CNTNAP5: variants seen among roughly 807,000 people sequenced by gnomAD.
CNTNAP5 encodes the protein contactin-associated protein-like 5.
A neutral mutation model predicts 150.2 loss-of-function variants in CNTNAP5; 72 were observed. The ratio of observed to expected loss-of-function variants is 0.48; its 90% CI spans 0.40 to 0.58. The LOEUF (loss-of-function observed/expected upper bound fraction) is 0.58, where lower values mean the gene tolerates loss of function less well. Among genes scored for constraint, CNTNAP5 ranks in the 20% least tolerant of loss-of-function variants. CNTNAP5 has a pLI of 0.00. For missense variants in CNTNAP5, 1,636 were observed against 1,626.2 expected (o/e 1.01, Z -0.10); for synonymous variants, 672 against 619.8 (o/e 1.08, Z -1.25).
chr2:124,707,470 C>T lies in CNTNAP5; in HGVS notation c.2078-39759C>T, dbSNP rs150239165. On this transcript the variant is annotated intron_variant, in intron 13 of 23. Coordinates refer to ENST00000682447, the MANE Select transcript of CNTNAP5 (RefSeq NM_001367498.1). ...GAACTACATCACATTATTTCATTATCTAAATAAATCCAGAGTGCAATAAAT... is the reference window on the plus strand; with the variant it reads ...GAACTACATCACATTATTTCATTATTTAAATAAATCCAGAGTGCAATAAAT... Among the ~76,000 whole-genome samples, 586 of 152,266 alleles carry T rather than the reference C, an allele frequency of 3.8e-3. 3 individuals are homozygous for T. The highest frequency in any genetic ancestry group is 7.1e-3 in the Non-Finnish European group (483 of 68,040).
chr2:124,541,098 G>A (rs1695370592), intron 10 of CNTNAP5, among the ~76,000 whole-genome samples: 1 of 150,324 alleles, frequency 6.7e-6, no homozygotes, highest in African/African-American at 2.4e-5. Flanking sequence ...TGATGACTGT[G>A]ATCTCCATGT....
chr2:124,325,867 T>C (rs1689203963), intron 3 of CNTNAP5, among the ~76,000 whole-genome samples: 1 of 152,178 alleles, frequency 6.6e-6, no homozygotes, highest in Admixed American at 6.5e-5. Flanking sequence ...ACTAGGGGGA[T>C]GAGCCATGCT....
At position 124,610,758 on chromosome 2, in the gene CNTNAP5, A is replaced by G. The variant is rs576123984; in HGVS notation, c.1876+838A>G. Among the ~76,000 whole-genome samples, 60 of 152,276 alleles carry G rather than the reference A, an allele frequency of 3.9e-4. No homozygotes were observed. The Middle Eastern group carries it at 0.014, about 35-fold the overall frequency. On this transcript the variant is annotated intron_variant, in intron 12 of 23. Transcript: ENST00000682447. The stretch of plus-strand genomic sequence containing the variant: ...GGCAGACCACGAGGTCAGGAGATCC[A>G]GACCATCCTGGCCAACACGGTGAAA...
rs187696654 is a variant in CNTNAP5, at chr2:124,074,127, G to A, written c.82+48395G>A. ...TGCATATTTTCACTTATCTGTGGGA[G>A]CTAAAAATTAAAACAATTGAACTTA... On this transcript the variant is annotated intron_variant, in intron 1 of 23. Transcript: ENST00000682447. 1.8e-3 allele frequency among the ~76,000 whole-genome samples: 270 copies of A among 152,112 alleles called. 1 individual carries two copies. The highest frequency in any genetic ancestry group is 5.4e-3 in the African/African-American group (223 of 41,524).
intron 12 of CNTNAP5, among the ~76,000 whole-genome samples, chr2:124,641,126 C>CAAAAAAAAAAAAAA (rs78602781): frequency 1.0e-5 from 1 of 98,504 alleles, no homozygotes; most frequent in African/African-American, 4.2e-5. Context: ...AACTCCATCT[C>CAAAAAAAAAAAAAA]AAAAAAAAAA....
At chr2:124,581,798 A>G (rs2104949591) in intron 11 of CNTNAP5, among the ~76,000 whole-genome samples, 1 of 152,276 alleles carries the variant, frequency 6.6e-6, no homozygotes, top group East Asian at 1.9e-4. Flanking sequence ...GAGGAAAGAA[A>G]TCCTATTGTA....
intron 13 of CNTNAP5, among the ~76,000 whole-genome samples, chr2:124,714,173 C>T (rs903784585): frequency 1.3e-5 from 2 of 151,972 alleles, no homozygotes; most frequent in African/African-American, 4.8e-5. Context: ...TCAAGAGTCG[C>T]TTGAGTGTAA....
chr2:124,305,293 G>T (rs1688660512), intron 3 of CNTNAP5, among the ~76,000 whole-genome samples: 1 of 151,770 alleles, frequency 6.6e-6, no homozygotes, highest in Non-Finnish European at 1.5e-5. Context: ...AACAAAAAAG[G>T]TGACACTGCA....
intron 3 of CNTNAP5, among the ~76,000 whole-genome samples, chr2:124,244,476 T>C (rs1462533064): frequency 6.6e-6 from 1 of 152,112 alleles, no homozygotes; most frequent in East Asian, 1.9e-4. Context: ...AGGTAGAAGT[T>C]GCTGGATGGG....
At chr2:124,816,395 C>T (rs1020704934) in intron 19 of CNTNAP5, among the ~76,000 whole-genome samples, 6 of 151,594 alleles carry the variant, frequency 4.0e-5, no homozygotes, top group Non-Finnish European at 7.4e-5. Context: ...TCTTTCTGGG[C>T]TGCCATCCAG....
intron 19 of CNTNAP5, among the ~76,000 whole-genome samples, chr2:124,826,008 A>G (rs17012034): frequency 0.051 from 7,818 of 152,256 alleles, 648 homozygotes; most frequent in African/African-American, 0.17. Context: ...AAATATTTCT[A>G]CTGGATATGC....
At chr2:124,201,603 A>G (rs1313269946) in intron 1 of CNTNAP5, among the ~76,000 whole-genome samples, 1 of 152,226 alleles carries the variant, frequency 6.6e-6, no homozygotes, top group Admixed American at 6.5e-5. Flanking sequence ...TGGTGTACAG[A>G]GTAATGTATA....
intron 1 of CNTNAP5, among the ~76,000 whole-genome samples, chr2:124,216,851 C>A (rs58929276): frequency 0.18 from 27,222 of 152,052 alleles, 2,612 homozygotes; most frequent in Non-Finnish European, 0.22. Flanking sequence ...AATAAACATA[C>A]GTGTGCATGT....
At chr2:124,869,810 A>G in intron 21 of CNTNAP5, 48 bp downstream of exon 21, 2 of 1,128,026 alleles carry the variant, frequency 1.8e-6, no homozygotes, top group Non-Finnish European at 2.7e-6. Flanking sequence ...ATTAAAATAA[A>G]TGAATGCATA....
chr2:124,808,570 A>C (rs1271951112), intron 19 of CNTNAP5, among the ~76,000 whole-genome samples: 1 of 151,634 alleles, frequency 6.6e-6, no homozygotes, highest in Non-Finnish European at 1.5e-5. Flanking sequence ...CCTGGGTGAC[A>C]GAGAGAGACT....
chr2:124,688,202 G>T (rs1573548552), intron 13 of CNTNAP5, among the ~76,000 whole-genome samples: 1 of 152,018 alleles, frequency 6.6e-6, no homozygotes, highest in East Asian at 1.9e-4. Flanking sequence ...ATTGGACTTT[G>T]TTTTGTTGAA....
chr2:124,578,194 G>C (rs1696334797), intron 11 of CNTNAP5, among the ~76,000 whole-genome samples: 2 of 150,950 alleles, frequency 1.3e-5, no homozygotes, highest in South Asian at 4.2e-4. Context: ...GCCGGGCATG[G>C]TGGCAGGCAC....
intron 19 of CNTNAP5, among the ~76,000 whole-genome samples, chr2:124,860,493 TTCC>T (rs1677499200): frequency 9.2e-6 from 1 of 108,508 alleles, no homozygotes; most frequent in East Asian, 2.5e-4. Flanking sequence ...CCTTCCTTCC[TTCC>T]TTCCTTCTTT....
intron 1 of CNTNAP5, among the ~76,000 whole-genome samples, chr2:124,209,279 A>G (rs551121069): frequency 1.3e-5 from 2 of 152,304 alleles, no homozygotes; most frequent in Admixed American, 1.3e-4. Flanking sequence ...AGTAAGTCAG[A>G]GAGAAGATGC....
Sources: gnomAD v4.1 joint callset for allele counts (sites outside exome capture counted in the v4.1 genomes callset) on GRCh38, gnomAD v4.1.1 for gene constraint, MANE v1.5 for transcripts, NCBI Gene and HGNC (gene_info 2026-07-23, HGNC 2026-07-21) for gene names.